CMTR1: variants seen among roughly 807,000 people sequenced by gnomAD.
CMTR1 encodes cap-specific mRNA (nucleoside-2'-O-)-methyltransferase 1.
Under a neutral mutation model 107.0 loss-of-function variants are expected in CMTR1, and 39 were observed. The observed-to-expected ratio is 0.36, with a 90% CI of 0.28 to 0.48. The LOEUF (loss-of-function observed/expected upper bound fraction) is 0.48. CMTR1 is among the 20% of genes least tolerant of loss of function. CMTR1 has a pLI of 0.99. For synonymous variants in CMTR1, 366 were observed against 379.5 expected (o/e 0.96, Z 0.41); for missense variants, 672 against 1,064.9 (o/e 0.63, Z 5.14).
intron 20 of CMTR1, 21 bp downstream of exon 20, chr6:37,476,215 C>T (rs143552460): frequency 5.0e-6 from 8 of 1,613,320 alleles, no homozygotes; most frequent in East Asian, 4.5e-5. Flanking sequence ...GGTCCCTACC[C>T]TCCATGCTTC....
At chr6:37,431,479 A>G (rs1421265703), upstream of CMTR1, among the ~76,000 whole-genome samples, 1 of 152,192 alleles carries the variant, frequency 6.6e-6, no homozygotes, top group Non-Finnish European at 1.5e-5. Context: ...GATTCAGTAA[A>G]TATCTATTGA....
chr6:37,462,891 T>C lies in CMTR1; in HGVS notation c.1388T>C (p.Val463Ala), dbSNP rs1175161371. Residue 463 changes from valine (V) to alanine (A), a missense_variant, in exon 13 of 24, where the codon GTG becomes GCG. Val to Ala is a moderately conservative substitution (Grantham distance 64). Around this residue, in one of 2 missense-constraint regions of CMTR1, gnomAD observed 583 missense variants for 968.4 expected, o/e 0.60. Coordinates refer to ENST00000373451, the MANE Select transcript of CMTR1 (RefSeq NM_015050.3). ...IDDVRDYLFA[V>A]NIKLNQLRNT... ...GATGTTCGGGATTACCTCTTCGCAG[T>C]GAATATTAAACTCAATCAGCTGCGG... 6.2e-7 allele frequency: 1 copy of C among 1,613,930 alleles called. No individual in the cohort carries two copies. Among genetic ancestry groups the C allele is most frequent in the South Asian group, 1.1e-5 (1 of 91,064 alleles).
At chr6:37,446,232 G>A (rs1246045393) in intron 3 of CMTR1, 59 bp from the exon 4 acceptor site, 2 of 1,565,802 alleles carry the variant, frequency 1.3e-6, no homozygotes, top group Non-Finnish European at 1.7e-6. Context: ...GCATGTGATG[G>A]GGCTAAATAA....
In CMTR1 at chr6:37,480,362, C is replaced by A. The variant is rs141001638; in HGVS notation, c.*217C>A. 1 of 1,354,158 alleles carries A rather than the reference C, an allele frequency of 7.4e-7. No individual in the cohort carries two copies. Among genetic ancestry groups the A allele is most frequent in the Non-Finnish European group, 9.4e-7 (1 of 1,062,932 alleles). The allele number at this position is 1,354,158 out of a possible 1,614,324, so 83.9% of individuals were successfully genotyped here. On this transcript the variant is annotated 3_prime_UTR_variant, in exon 24 of 24. Coordinates refer to ENST00000373451, the MANE Select transcript of CMTR1 (RefSeq NM_015050.3). ...TCCTTCTGGGACACCTGCCTGGGAA[C>A]TTTCCCCTGCCAGGACTCAGCCTGA...
intron 2 of CMTR1, chr6:37,436,470 A>C (rs1041314663): frequency 6.6e-6 from 1 of 152,266 alleles, no homozygotes; most frequent in African/African-American, 2.4e-5. Flanking sequence ...GACCCAAAAC[A>C]ACAGACATTT....
At position 37,480,732 on chromosome 6, in the gene CMTR1, A is replaced by G. The variant is rs550892893; in HGVS notation, c.*587A>G. On this transcript the variant is annotated 3_prime_UTR_variant, in exon 24 of 24. Transcript: ENST00000373451. ...CCCCACTCATCCTGGCCTTCCCTGG[A>G]GTTCTTCCTAGCCCAGAGCTCTGAC... The G allele has an allele frequency of 3.0e-4, 316 of 1,036,754 alleles. 3 individuals carry two copies. The Middle Eastern group carries it at 5.2e-3, about 17-fold the overall frequency. 64.2% of individuals were successfully genotyped at this position (1,036,754 alleles called of 1,614,324 possible).
At chr6:37,461,939 G>A (rs1412386502) in intron 11 of CMTR1, 31 bp from the exon 12 acceptor site, 1 of 1,612,368 alleles carries the variant, frequency 6.2e-7, no homozygotes, top group South Asian at 1.1e-5. Context: ...TAGACCCATT[G>A]GCTGCTTTTG....
At chr6:37,430,450 T>C (rs1771346931), upstream of CMTR1, among the ~76,000 whole-genome samples, 1 of 152,100 alleles carries the variant, frequency 6.6e-6, no homozygotes, top group South Asian at 2.1e-4. Flanking sequence ...GTCAGATATA[T>C]GTATTGTGAA....
chr6:37,450,146 G>T, intron 4 of CMTR1, 105 bp from the exon 5 acceptor site: 1 of 931,248 alleles, frequency 1.1e-6, no homozygotes, highest in South Asian at 1.5e-5. Context: ...ACCCTTCTCG[G>T]TCTGTCTCAG....
chr6:37,471,959 A>G, intron 15 of CMTR1, 55 bp downstream of exon 15: 1 of 1,545,800 alleles, frequency 6.5e-7, no homozygotes, highest in South Asian at 1.1e-5. Context: ...ATAGAGAAGA[A>G]TGGGGTTGAC....
At chr6:37,444,234 A>G in intron 3 of CMTR1, 84 bp downstream of exon 3, 1 of 1,523,124 alleles carries the variant, frequency 6.6e-7, no homozygotes, top group South Asian at 1.3e-5. Flanking sequence ...AAAAGAAGAA[A>G]AGTTTGGCCA....
At chr6:37,471,364 T>C (rs1338780690) in intron 14 of CMTR1, among the ~76,000 whole-genome samples, 4 of 152,096 alleles carry the variant, frequency 2.6e-5, no homozygotes, top group African/African-American at 7.2e-5. Context: ...ACAAGTAGAA[T>C]ACATAATGTT....
chr6:37,463,896 G>C (rs929023347), intron 13 of CMTR1, among the ~76,000 whole-genome samples: 1 of 152,194 alleles, frequency 6.6e-6, no homozygotes, highest in Non-Finnish European at 1.5e-5. Flanking sequence ...TTATAGATGA[G>C]GAAGCAAACA....
At chr6:37,477,664 C>G (rs1220620514) in intron 21 of CMTR1, 25 bp downstream of exon 21, 3 of 1,596,940 alleles carry the variant, frequency 1.9e-6, no homozygotes, top group Non-Finnish European at 2.6e-6. Context: ...CGGTGAAGCT[C>G]AGATTCAAGA....
chr6:37,473,929 A>G (rs1375001159), intron 17 of CMTR1, among the ~76,000 whole-genome samples: 1 of 152,126 alleles, frequency 6.6e-6, no homozygotes, highest in Non-Finnish European at 1.5e-5. Flanking sequence ...TTCCTTTGCA[A>G]CACCACCACC....
intron 2 of CMTR1, among the ~76,000 whole-genome samples, chr6:37,437,406 A>G (rs1771555702): frequency 6.7e-6 from 1 of 149,748 alleles, no homozygotes; most frequent in African/African-American, 2.5e-5. Context: ...AGGCGCCTGT[A>G]CTCCCAGCTA....
At chr6:37,456,605 C>G (rs1323810641) in intron 8 of CMTR1, among the ~76,000 whole-genome samples, 1 of 152,186 alleles carries the variant, frequency 6.6e-6, no homozygotes, top group Non-Finnish European at 1.5e-5. Context: ...TGATCGTTAT[C>G]TAGCAGCTGC....
Position 37,454,796 on chromosome 6 carries a change from T to C in CMTR1, c.777+1484T>C, listed in dbSNP as rs950769697. Among the ~76,000 whole-genome samples the C allele has an allele frequency of 3.3e-5, 5 of 152,194 alleles. No individual in the cohort carries two copies. The South Asian group carries it at 6.2e-4, about 19-fold the overall frequency. On this transcript the variant is annotated intron_variant, in intron 8 of 23. Transcript: ENST00000373451. ...TATGCTTCACTATAAAAAAAGTGAT[T>C]TCTCTCGAGCCCCTGGTGTTTTATT...
intron 4 of CMTR1, among the ~76,000 whole-genome samples, chr6:37,448,527 AT>A (rs1354714343): frequency 6.6e-6 from 1 of 152,210 alleles, no homozygotes; most frequent in East Asian, 1.9e-4. Context: ...AACATGATAG[AT>A]TTGACCAGGA....
Sources: gnomAD v4.1 joint callset for allele counts (sites outside exome capture counted in the v4.1 genomes callset) on GRCh38, gnomAD v4.1.1 for gene constraint, gnomAD v4.1.1 regional missense constraint, MANE v1.5 for transcripts, NCBI Gene and HGNC (gene_info 2026-07-23, HGNC 2026-07-21) for gene names.